The following SPRED2 variants were observed in gnomAD, a reference collection of about 807,000 sequenced individuals.
The protein encoded by SPRED2 is sprouty related EVH1 domain containing 2.
Under a neutral mutation model 43.0 loss-of-function variants are expected in SPRED2, and 47 were observed. The observed-to-expected ratio is 1.09, with a 90% CI of 0.87 to 1.40. The LOEUF (loss-of-function observed/expected upper bound fraction) is 1.40, where lower values mean the gene tolerates loss of function less well. Ranked by LOEUF, SPRED2 falls within the 40% of genes most tolerant of loss-of-function variation. The pLI, the probability that SPRED2 is intolerant of heterozygous loss-of-function variation, is 0.00. For synonymous variants in SPRED2, 225 were observed against 225.7 expected (o/e 1.00, Z 0.03); for missense variants, 561 against 586.4 (o/e 0.96, Z 0.45).
chr2:65,338,969 GGGCGCCTCTGCCCGGC>G (rs1674080261), intron 2 of SPRED2, among the ~76,000 whole-genome samples: 1 of 145,672 alleles, frequency 6.9e-6, no homozygotes. Context: ...GGGAGGTGAG[GGGCGCCTCTGCCCGGC>G]GGCCCCTACT....
At chr2:65,419,553 C>T (rs921712711) in intron 1 of SPRED2, among the ~76,000 whole-genome samples, 7 of 151,026 alleles carry the variant, frequency 4.6e-5, no homozygotes, top group Admixed American at 4.6e-4. Context: ...ATTCAGGGAG[C>T]ACTTCCCTTC....
intron 1 of SPRED2, 96 bp from the exon 2 acceptor site, chr2:65,344,992 T>G: frequency 8.0e-7 from 1 of 1,257,516 alleles, no homozygotes; most frequent in Non-Finnish European, 1.1e-6. Flanking sequence ...CCAGCACTTT[T>G]TTTGTTTTAT....
At chr2:65,393,404 T>C (rs1675683838) in intron 1 of SPRED2, among the ~76,000 whole-genome samples, 1 of 151,172 alleles carries the variant, frequency 6.6e-6, no homozygotes, top group Non-Finnish European at 1.5e-5. Flanking sequence ...CAATCTCGGC[T>C]CACTGCAACC....
At chr2:65,334,511 T>G in intron 3 of SPRED2, 94 bp downstream of exon 3, 1 of 1,503,916 alleles carries the variant, frequency 6.6e-7, no homozygotes, top group Admixed American at 1.9e-5. Context: ...CTCCCGCAAA[T>G]AAACCACAAA....
At chr2:65,396,370 G>A (rs911969968) in intron 1 of SPRED2, among the ~76,000 whole-genome samples, 1 of 152,094 alleles carries the variant, frequency 6.6e-6, no homozygotes, top group African/African-American at 2.4e-5. Flanking sequence ...TACCTACGGC[G>A]CATCATGCTA....
chr2:65,353,611 A>C (rs577036318), intron 1 of SPRED2, among the ~76,000 whole-genome samples: 1 of 152,308 alleles, frequency 6.6e-6, no homozygotes, highest in Non-Finnish European at 1.5e-5. Context: ...CCCTATTTTT[A>C]TAAGTGAGCA....
At chr2:65,351,921 G>A (rs1204945886) in intron 1 of SPRED2, among the ~76,000 whole-genome samples, 1 of 152,154 alleles carries the variant, frequency 6.6e-6, no homozygotes, top group African/African-American at 2.4e-5. Flanking sequence ...TATATATTCT[G>A]AACTTTATGG....
At chr2:65,307,688 CA>C (rs1672968831), downstream of SPRED2, among the ~76,000 whole-genome samples, 1 of 152,172 alleles carries the variant, frequency 6.6e-6, no homozygotes, top group East Asian at 1.9e-4. Flanking sequence ...CTCAGCTTGC[CA>C]CCACGGCACC....
intron 1 of SPRED2, among the ~76,000 whole-genome samples, chr2:65,405,046 A>T (rs1675991328): frequency 6.6e-6 from 1 of 152,246 alleles, no homozygotes; most frequent in African/African-American, 2.4e-5. Flanking sequence ...ATAAACAATA[A>T]TTATGACAAT....
chr2:65,335,752 G>A (rs1308342618), intron 2 of SPRED2, among the ~76,000 whole-genome samples: 2 of 120,998 alleles, frequency 1.7e-5, no homozygotes, highest in Non-Finnish European at 4.2e-5. Context: ...AGTTGATAGA[G>A]ATACTAGAAT....
chr2:65,307,626 C>T (rs1443272188), downstream of SPRED2, among the ~76,000 whole-genome samples: 2 of 151,704 alleles, frequency 1.3e-5, no homozygotes, highest in African/African-American at 4.8e-5. Flanking sequence ...TGTCTTTTTC[C>T]TCCTTTATAA....
Position 65,316,810 on chromosome 2 carries a change from G to T in SPRED2, c.512C>A (p.Ser171Tyr). The T allele has an allele frequency of 6.2e-7, 1 of 1,613,768 alleles. No individual in the cohort carries two copies. The highest frequency in any genetic ancestry group is 1.1e-5 in the South Asian group (1 of 90,934). Residue 171 changes from serine to tyrosine, a missense_variant, in exon 5 of 6, where the codon TCC (serine) becomes TAC (tyrosine). Around this residue, in one of 6 missense-constraint regions of SPRED2, gnomAD observed 305 missense variants for 282.4 expected, o/e 1.08. Transcript: ENST00000356388. ...QPTRTISSPT[S>Y]CEHRRIYTLG... ...GGTATAAATCCTCCGGTGCTCACAGGATGTGGGAGAGGAGATTGTCCGAGT... is the reference window on the plus strand; with the variant it reads ...GGTATAAATCCTCCGGTGCTCACAGTATGTGGGAGAGGAGATTGTCCGAGT...
intron 1 of SPRED2, among the ~76,000 whole-genome samples, chr2:65,399,094 C>T (rs1046216101): frequency 7.2e-5 from 11 of 151,956 alleles, no homozygotes; most frequent in East Asian, 2.0e-4. Context: ...CTGGCTAACA[C>T]GGTGAAACCC....
chr2:65,395,166 C>T (rs754213406), intron 1 of SPRED2, among the ~76,000 whole-genome samples: 1 of 152,182 alleles, frequency 6.6e-6, no homozygotes, highest in African/African-American at 2.4e-5. Flanking sequence ...AAGTGTTCCA[C>T]GATCTCCAGC....
chr2:65,340,320 T>TA (rs1285045428), intron 2 of SPRED2, among the ~76,000 whole-genome samples: 3 of 152,208 alleles, frequency 2.0e-5, no homozygotes, highest in African/African-American at 7.2e-5. Context: ...AGTCTTTTTC[T>TA]AAAGGATAGT....
chr2:65,431,931 C>A, intron 1 of SPRED2, 31 bp downstream of exon 1: 5 of 1,613,452 alleles, frequency 3.1e-6, no homozygotes, highest in Non-Finnish European at 4.2e-6. Context: ...CCCTGAGGGG[C>A]ACCCTCGTCC....
chr2:65,384,968 A>T (rs866447653), intron 1 of SPRED2, among the ~76,000 whole-genome samples: 6 of 122,770 alleles, frequency 4.9e-5, no homozygotes, highest in Admixed American at 1.8e-4. Context: ...TTTGCTTTCC[A>T]CTTCTTCTTT....
At chr2:65,327,518 C>T (rs756629750) in intron 4 of SPRED2, among the ~76,000 whole-genome samples, 8 of 152,018 alleles carry the variant, frequency 5.3e-5, no homozygotes, top group Admixed American at 2.6e-4. Context: ...CCTCTTACAG[C>T]GTAATGTGAG....
At chr2:65,324,897 A>G (rs1673562152) in intron 4 of SPRED2, among the ~76,000 whole-genome samples, 1 of 152,176 alleles carries the variant, frequency 6.6e-6, no homozygotes, top group Non-Finnish European at 1.5e-5. Flanking sequence ...CATCCCTTCA[A>G]GTCCTCTAGG....
Sources: gnomAD v4.1 joint callset for allele counts (sites outside exome capture counted in the v4.1 genomes callset) on GRCh38, gnomAD v4.1.1 for gene constraint, gnomAD v4.1.1 regional missense constraint, MANE v1.5 for transcripts, NCBI Gene and HGNC (gene_info 2026-07-23, HGNC 2026-07-21) for gene names.